The following NPAS3 variants were observed in gnomAD, a reference collection of about 807,000 sequenced individuals.
NPAS3 encodes the protein neuronal PAS domain protein 3, also known as neuronal PAS domain-containing protein 3.
Under a neutral mutation model 73.1 loss-of-function variants are expected in NPAS3, and 14 were observed. The ratio of observed to expected loss-of-function variants is 0.19; its 90% confidence interval spans 0.13 to 0.30. The LOEUF is 0.30. Ranked by LOEUF, NPAS3 falls within the 10% of genes least tolerant of loss-of-function variation. The pLI is 1.00. For missense variants in NPAS3, 1,096 were observed against 1,250.0 expected (o/e 0.88, Z 1.86); for synonymous variants, 620 against 541.5 (o/e 1.14, Z -2.01).
intron 6 of NPAS3, among the ~76,000 whole-genome samples, chr14:33,734,769 C>A (rs1413772327): frequency 6.6e-6 from 1 of 152,192 alleles, no homozygotes; most frequent in African/African-American, 2.4e-5. Context: ...TCCCAGTAGG[C>A]AAATGGCACA....
chr14:33,402,139 T>C (rs2047472568), intron 4 of NPAS3, among the ~76,000 whole-genome samples: 1 of 152,040 alleles, frequency 6.6e-6, no homozygotes, highest in African/African-American at 2.4e-5. Flanking sequence ...ATGGGTCTGA[T>C]TTACATATCT....
At chr14:33,082,183 G>T (rs1056830459) in intron 2 of NPAS3, among the ~76,000 whole-genome samples, 4 of 152,084 alleles carry the variant, frequency 2.6e-5, no homozygotes, top group African/African-American at 9.7e-5. Flanking sequence ...TAAAATGCTT[G>T]GACTCCCGTT....
At chr14:33,141,471 A>G (rs1402980860) in intron 2 of NPAS3, among the ~76,000 whole-genome samples, 1 of 152,242 alleles carries the variant, frequency 6.6e-6, no homozygotes, top group African/African-American at 2.4e-5. Context: ...ACAGACAAAT[A>G]TAAAGATGAA....
chr14:33,369,318 G>A (rs2045974135), intron 4 of NPAS3, among the ~76,000 whole-genome samples: 1 of 147,114 alleles, frequency 6.8e-6, no homozygotes, highest in Admixed American at 7.0e-5. Flanking sequence ...GTGAAGAGTG[G>A]CAAAAGGCCT....
At chr14:33,728,530 A>T (rs1203415984) in intron 6 of NPAS3, among the ~76,000 whole-genome samples, 4 of 152,200 alleles carry the variant, frequency 2.6e-5, no homozygotes, top group Non-Finnish European at 5.9e-5. Context: ...ATAAAGTCTG[A>T]CTGCTGAGCC....
chr14:33,068,790 A>G (rs2041370574), intron 2 of NPAS3, among the ~76,000 whole-genome samples: 1 of 152,186 alleles, frequency 6.6e-6, no homozygotes, highest in Admixed American at 6.5e-5. Context: ...TAGCCAGGCG[A>G]AAACATTCCA....
intron 2 of NPAS3, among the ~76,000 whole-genome samples, chr14:33,127,510 T>C (rs894552256): frequency 2.6e-5 from 4 of 152,146 alleles, no homozygotes; most frequent in African/African-American, 4.8e-5. Flanking sequence ...GCTGTGTCTC[T>C]ACTTGTGTTA....
At position 33,052,913 on chromosome 14, in the gene NPAS3, T is replaced by C. The variant is rs372911065; in HGVS notation, c.51-2992T>C. Among the ~76,000 whole-genome samples, 195 of 152,234 alleles carry C rather than the reference T, an allele frequency of 1.3e-3. 1 individual carries two copies. The highest frequency in any genetic ancestry group is 4.4e-3 in the African/African-American group (181 of 41,528). ...AAAACCAGGGTCCAGTTAGTTAAGGTTTCAGTTGAACGTGAAATGTGACTT... is the reference window on the plus strand; with the variant it reads ...AAAACCAGGGTCCAGTTAGTTAAGGCTTCAGTTGAACGTGAAATGTGACTT... On this transcript the variant is annotated intron_variant, in intron 1 of 11. Coordinates refer to ENST00000356141, the Ensembl canonical transcript of NPAS3.
intron 5 of NPAS3, among the ~76,000 whole-genome samples, chr14:33,593,724 A>G (rs1463911797): frequency 6.6e-6 from 1 of 152,250 alleles, no homozygotes; most frequent in African/African-American, 2.4e-5. Flanking sequence ...ATTTAAATTA[A>G]TTTACATGAA....
intron 2 of NPAS3, among the ~76,000 whole-genome samples, chr14:33,203,314 T>C (rs1016372814): frequency 2.0e-5 from 3 of 152,210 alleles, no homozygotes; most frequent in Non-Finnish European, 4.4e-5. Context: ...TGTCTTTTTT[T>C]ATTTTATTTT....
intron 2 of NPAS3, among the ~76,000 whole-genome samples, chr14:33,200,407 A>G (rs1215711475): frequency 6.6e-6 from 1 of 152,092 alleles, no homozygotes; most frequent in African/African-American, 2.4e-5. Flanking sequence ...GTTAATAATT[A>G]TGGTTTCTTT....
chr14:33,386,186 A>T (rs556318074), intron 4 of NPAS3, among the ~76,000 whole-genome samples: 5 of 151,984 alleles, frequency 3.3e-5, no homozygotes, highest in Admixed American at 6.6e-5. Flanking sequence ...TATCATGGAG[A>T]TTTGGCTAAC....
chr14:33,547,101 G>T (rs2054882174), intron 4 of NPAS3, among the ~76,000 whole-genome samples: 1 of 152,152 alleles, frequency 6.6e-6, no homozygotes, highest in Non-Finnish European at 1.5e-5. Context: ...TTAAGGTTGT[G>T]TTTGTAAAAC....
Position 33,415,104 on chromosome 14 carries a change from G to A in NPAS3, c.468+47836G>A, listed in dbSNP as rs145100720. ...CTTCTGCCCTTATGTTGTTTTAACT[G>A]AAGGTGAGCAACCTCCATGCAGAGC... On this transcript the variant is annotated intron_variant, in intron 4 of 11. Coordinates refer to ENST00000356141, the Ensembl canonical transcript of NPAS3. Among the ~76,000 whole-genome samples the A allele has an allele frequency of 1.4e-3, 208 of 152,160 alleles. 2 individuals are homozygous for A. The highest frequency in any genetic ancestry group is 3.3e-3 in the East Asian group (17 of 5,168).
At chr14:33,129,759 G>C (rs1313668815) in intron 2 of NPAS3, among the ~76,000 whole-genome samples, 4 of 152,136 alleles carry the variant, frequency 2.6e-5, no homozygotes, top group Non-Finnish European at 5.9e-5. Context: ...TTCAGAGGTA[G>C]AAGATTTTAT....
intron 7 of NPAS3, among the ~76,000 whole-genome samples, chr14:33,763,446 TAGAA>T (rs2062360755): frequency 6.6e-6 from 1 of 152,138 alleles, no homozygotes; most frequent in African/African-American, 2.4e-5. Flanking sequence ...AGAATGGAGA[TAGAA>T]AGTTACAGAG....
At chr14:33,065,317 TGAA>T (rs2041241361) in intron 2 of NPAS3, among the ~76,000 whole-genome samples, 1 of 152,154 alleles carries the variant, frequency 6.6e-6, no homozygotes, top group Admixed American at 6.6e-5. Context: ...CATCCATGTA[TGAA>T]AAGTTAAACG....
intron 6 of NPAS3, among the ~76,000 whole-genome samples, chr14:33,732,888 G>T (rs1367635833): frequency 6.6e-6 from 1 of 152,132 alleles, no homozygotes; most frequent in Non-Finnish European, 1.5e-5. Context: ...TCTTCACCCA[G>T]CTGGAAGCAC....
intron 7 of NPAS3, among the ~76,000 whole-genome samples, chr14:33,747,611 C>A (rs1350732882): frequency 1.3e-5 from 2 of 152,222 alleles, no homozygotes; most frequent in African/African-American, 4.8e-5. Context: ...AGGGAAGAAG[C>A]TTTGGGCTGC....
Sources: gnomAD v4.1 joint callset for allele counts (sites outside exome capture counted in the v4.1 genomes callset) on GRCh38, gnomAD v4.1.1 for gene constraint, MANE v1.5 for transcripts, NCBI Gene and HGNC (gene_info 2026-07-23, HGNC 2026-07-21) for gene names.